SAP30BP: variants seen among roughly 807,000 people sequenced by gnomAD.
SAP30BP encodes the protein SAP30 binding protein.
In SAP30BP, 31 loss-of-function variants were observed where a neutral mutation model predicts 46.3. The observed-to-expected ratio is 0.67, with a 90% confidence interval of 0.50 to 0.90. The LOEUF (loss-of-function observed/expected upper bound fraction) is 0.90. Among genes scored for constraint, SAP30BP ranks in the 40% least tolerant of loss-of-function variants. The pLI, the probability that SAP30BP is intolerant of heterozygous loss-of-function variation, is 0.00. For missense variants in SAP30BP, 312 were observed against 391.0 expected, an observed-to-expected ratio of 0.80 and a Z score of 1.70; for synonymous variants, 169 against 144.2, an observed-to-expected ratio of 1.17 and a Z score of -1.23.
intron 3 of SAP30BP, chr17:75,679,967 C>G (rs1171667898): frequency 6.6e-6 from 1 of 152,186 alleles, no homozygotes; most frequent in African/African-American, 2.4e-5. Context: ...GACGGTTTCC[C>G]TTGTTTATTT....
chr17:75,706,203 C>T lies in SAP30BP; in HGVS notation c.745+111C>T. Reference sequence around the variant, plus strand: ...TCTGGGCCTGGGCTCAGCCTTGCTACTTTGAGAAGCACCTTTGGAGTCTGG... The same window carrying T: ...TCTGGGCCTGGGCTCAGCCTTGCTATTTTGAGAAGCACCTTTGGAGTCTGG... On this transcript the variant is annotated intron_variant, in intron 10 of 10. Transcript: ENST00000584667. The surrounding 1 kb of genome is among the most constrained non-coding windows in gnomAD (Gnocchi z 4.6). 6.4e-7 allele frequency: 1 copy of T among 1,554,948 alleles called. No individual in the cohort carries two copies. The highest frequency in any genetic ancestry group is 8.7e-7 in the Non-Finnish European group (1 of 1,152,608).
rs1204345237 is a variant in SAP30BP, at chr17:75,677,130, G to A, written c.264+5267G>A. Reference sequence around the variant, plus strand: ...ACTTTTTTTTTTTTTTTTTTTTTGAGACACTCACTCTGTTGCCCAAGCTGG... The same window carrying A: ...ACTTTTTTTTTTTTTTTTTTTTTGAAACACTCACTCTGTTGCCCAAGCTGG... On this transcript the variant is annotated intron_variant, in intron 3 of 10. Coordinates refer to ENST00000584667, the MANE Select transcript of SAP30BP (RefSeq NM_013260.8). 6.1e-5 allele frequency among the ~76,000 whole-genome samples: 6 copies of A among 97,590 alleles called. No individual in the cohort carries two copies. The South Asian group carries it at 2.0e-3, about 33-fold the overall frequency. The allele number at this position is 97,590 out of a possible 152,430, so 64.0% of individuals were successfully genotyped here. A position where few individuals can be genotyped will look rare whatever the true frequency, so the allele number is the denominator to read the frequency against.
At chr17:75,702,620 C>T in intron 6 of SAP30BP, 49 bp downstream of exon 6, 1 of 904,878 alleles carries the variant, frequency 1.1e-6, no homozygotes. Context: ...TAATGTTGGA[C>T]TAAGGACTAA....
intron 3 of SAP30BP, among the ~76,000 whole-genome samples, chr17:75,686,979 A>C (rs750191895): frequency 4.6e-5 from 7 of 152,336 alleles, no homozygotes; most frequent in Non-Finnish European, 8.8e-5. Flanking sequence ...AGTGACTCAC[A>C]TTGATCTCAG....
At chr17:75,682,207 G>A (rs760876159) in intron 3 of SAP30BP, among the ~76,000 whole-genome samples, 2 of 149,100 alleles carry the variant, frequency 1.3e-5, no homozygotes, top group African/African-American at 4.9e-5. Flanking sequence ...TTTTTGAGAC[G>A]GAGTTTCACT....
At chr17:75,691,473 C>T in intron 3 of SAP30BP, 1 of 456,708 alleles carries the variant, frequency 2.2e-6, no homozygotes, top group Non-Finnish European at 4.4e-6. Flanking sequence ...TCACAAAAGC[C>T]ACAAGAAGCC....
At chr17:75,696,472 A>G (rs1302860075) in intron 4 of SAP30BP, among the ~76,000 whole-genome samples, 1 of 151,828 alleles carries the variant, frequency 6.6e-6, no homozygotes, top group Non-Finnish European at 1.5e-5. Flanking sequence ...TGAACCTGGC[A>G]GGTGGAGGTT....
intron 3 of SAP30BP, among the ~76,000 whole-genome samples, chr17:75,672,879 A>G (rs2059927871): frequency 6.6e-6 from 1 of 151,844 alleles, no homozygotes; most frequent in Non-Finnish European, 1.5e-5. Flanking sequence ...CAGGGGAATT[A>G]CTTGAACCTG....
At chr17:75,685,837 T>C (rs999947283) in intron 3 of SAP30BP, among the ~76,000 whole-genome samples, 2 of 152,182 alleles carry the variant, frequency 1.3e-5, no homozygotes, top group African/African-American at 2.4e-5. Flanking sequence ...ACTCTGGACC[T>C]AGATACACCC....
In SAP30BP at chr17:75,703,788, A is replaced by G. The variant is rs760068878; in HGVS notation, c.550-20A>G. The G allele has an allele frequency of 5.6e-6, 9 of 1,610,954 alleles. No individual in the cohort carries two copies. In the South Asian group the frequency reaches 9.9e-5, roughly 18 times the overall value. ...TTCTGAGTCATTTGTCATCTGAGTC[A>G]TTCGCCTTTTCCTTTGCAGGATATG... is the stretch of plus-strand genomic sequence containing the variant. On this transcript the variant is annotated intron_variant, in intron 7 of 10. Coordinates refer to ENST00000584667, the MANE Select transcript of SAP30BP (RefSeq NM_013260.8).
chr17:75,694,758 C>T (rs2060291575), intron 4 of SAP30BP, among the ~76,000 whole-genome samples: 1 of 152,330 alleles, frequency 6.6e-6, no homozygotes, highest in Non-Finnish European at 1.5e-5. Flanking sequence ...CTGTCACGTG[C>T]CAACGCAGAG....
At position 75,706,612 on chromosome 17, in the gene SAP30BP, G is replaced by A. The variant is rs1169075662; in HGVS notation, c.*91G>A. 8.1e-7 allele frequency: 1 copy of A among 1,231,132 alleles called. No homozygotes were observed. Among genetic ancestry groups the A allele is most frequent in the Non-Finnish European group, 1.2e-6 (1 of 864,222 alleles). The allele number at this position is 1,231,132 out of a possible 1,614,324, so 76.3% of individuals were successfully genotyped here. A position where few individuals can be genotyped will look rare whatever the true frequency, so the allele number is the denominator to read the frequency against. The stretch of plus-strand genomic sequence containing the variant: ...GCCACTTTGTATATTTCAGGACTGG[G>A]ACCTACTCCCCAGATGCCACCTGAG... On this transcript the variant is annotated 3_prime_UTR_variant, in exon 11 of 11. Coordinates refer to ENST00000584667, the MANE Select transcript of SAP30BP (RefSeq NM_013260.8). This position sits in a 1 kb window ranked among gnomAD's most constrained non-coding sequence, Gnocchi z 4.6.
At chr17:75,681,466 T>A (rs8066082) in intron 3 of SAP30BP, among the ~76,000 whole-genome samples, 24 of 152,108 alleles carry the variant, frequency 1.6e-4, no homozygotes, top group African/African-American at 5.8e-4. Context: ...CAGAGCTGAC[T>A]CGGTAATTCC....
intron 4 of SAP30BP, among the ~76,000 whole-genome samples, chr17:75,697,151 T>G (rs2060334887): frequency 6.6e-6 from 1 of 152,162 alleles, no homozygotes; most frequent in African/African-American, 2.4e-5. Flanking sequence ...CACACCCTGT[T>G]TTTCCAAAGG....
chr17:75,705,981 C>G (rs2060490812), intron 9 of SAP30BP, 27 bp from the exon 10 acceptor site: 1 of 1,610,652 alleles, frequency 6.2e-7, no homozygotes, highest in African/African-American at 1.3e-5. Context: ...TTTGCCTGGT[C>G]TTATTCTCTT....
chr17:75,670,944 G>A (rs975335917), intron 2 of SAP30BP, among the ~76,000 whole-genome samples: 18 of 152,328 alleles, frequency 1.2e-4, no homozygotes, highest in Middle Eastern at 3.4e-3. Flanking sequence ...TGTGCATTGG[G>A]AGTGTTCTGG....
chr17:75,699,705 T>C (rs548021820), intron 4 of SAP30BP, 78 bp from the exon 5 acceptor site: 2 of 940,344 alleles, frequency 2.1e-6, no homozygotes, highest in African/African-American at 1.6e-5. Context: ...TAACATTTTA[T>C]GTGCTTATGT....
At chr17:75,683,461 A>G (rs995021275) in intron 3 of SAP30BP, 16 of 151,126 alleles carry the variant, frequency 1.1e-4, no homozygotes, top group Non-Finnish European at 2.2e-4. Context: ...TTAGCCCCAC[A>G]GATTTTCACA....
intron 3 of SAP30BP, among the ~76,000 whole-genome samples, chr17:75,677,694 C>T (rs1393149062): frequency 6.7e-6 from 1 of 149,880 alleles, no homozygotes; most frequent in Admixed American, 6.7e-5. Context: ...GATCCACCCA[C>T]CTCAGCCTTC....
Sources: allele counts gnomAD v4.1 joint callset (sites outside exome capture counted in the v4.1 genomes callset), GRCh38; gene constraint gnomAD v4.1.1; non-coding constraint Gnocchi (gnomAD v3.1); transcripts MANE v1.5; gene names NCBI Gene and HGNC (gene_info 2026-07-23, HGNC 2026-07-21).